Variants in F13A1 observed in about 807,000 individuals in gnomAD.
F13A1 encodes the protein FSF, A subunit.
In F13A1, 47 loss-of-function variants were observed where a neutral mutation model predicts 80.1. The observed-to-expected ratio is 0.59, with a 90% CI of 0.46 to 0.75. F13A1 has a LOEUF of 0.75. Ranked by LOEUF, F13A1 falls within the 30% of genes least tolerant of loss-of-function variation. The pLI, the probability that F13A1 is intolerant of heterozygous loss-of-function variation, is 0.00. For synonymous variants in F13A1, 349 were observed against 344.9 expected (o/e 1.01, Z -0.13); for missense variants, 817 against 930.4 (o/e 0.88, Z 1.59).
chr6:6,249,916 GAA>G (rs763006707), intron 5 of F13A1, among the ~76,000 whole-genome samples: 1 of 152,124 alleles, frequency 6.6e-6, no homozygotes, highest in Non-Finnish European at 1.5e-5. Context: ...CGGAGTCAGG[GAA>G]GCTGTTCACA....
chr6:6,209,559 T>A (rs7756520), intron 8 of F13A1, among the ~76,000 whole-genome samples: 98,108 of 152,070 alleles, frequency 0.65, 32,714 homozygotes, highest in African/African-American at 0.82. Flanking sequence ...GAATGTTCAT[T>A]ACAACATTAT....
intron 13 of F13A1, among the ~76,000 whole-genome samples, chr6:6,164,538 C>G (rs781416457): frequency 3.2e-4 from 49 of 151,928 alleles, no homozygotes; most frequent in Non-Finnish European, 7.4e-5. Context: ...GAAAAAATAA[C>G]TCTTAATTGA....
intron 12 of F13A1, among the ~76,000 whole-genome samples, chr6:6,168,487 C>G (rs1048438277): frequency 2.0e-5 from 3 of 152,158 alleles, no homozygotes; most frequent in African/African-American, 7.2e-5. Flanking sequence ...AGGTGTGCAC[C>G]CACTGCTACC....
At chr6:6,196,180 A>G (rs1173016010) in intron 9 of F13A1, among the ~76,000 whole-genome samples, 1 of 152,194 alleles carries the variant, frequency 6.6e-6, no homozygotes, top group Non-Finnish European at 1.5e-5. Flanking sequence ...CACAGCATTT[A>G]TCTCTTGTTC....
rs67577432 is a variant in F13A1 at position 6,148,992 on chromosome 6, T to TAAAA, written c.2045+2817_2045+2820dup. The stretch of plus-strand genomic sequence containing the variant: ...CATGATTTCACTCACATGTAGACAC[T>TAAAA]AAAAAAAAAAAAATTATTATACCAT... On this transcript the variant is annotated intron_variant, in intron 14 of 14. Coordinates refer to ENST00000264870, the MANE Select transcript of F13A1 (RefSeq NM_000129.4). Among the ~76,000 whole-genome samples the TAAAA allele has an allele frequency of 5.8e-4, 86 of 147,102 alleles. 1 individual carries two copies. Among genetic ancestry groups the TAAAA allele is most frequent in the African/African-American group, 1.3e-3 (53 of 40,308 alleles).
chr6:6,312,355 C>G (rs1393514536), intron 2 of F13A1, among the ~76,000 whole-genome samples: 1 of 151,762 alleles, frequency 6.6e-6, no homozygotes, highest in Non-Finnish European at 1.5e-5. Context: ...ATAAGTAAAA[C>G]TTTCCTGTAT....
intron 8 of F13A1, among the ~76,000 whole-genome samples, chr6:6,198,569 G>T (rs1248315052): frequency 6.6e-6 from 1 of 152,190 alleles, no homozygotes; most frequent in Non-Finnish European, 1.5e-5. Flanking sequence ...TGGTTCAAGA[G>T]ATATTAATTT....
intron 13 of F13A1, among the ~76,000 whole-genome samples, chr6:6,160,804 G>T (rs907990921): frequency 6.6e-6 from 1 of 150,920 alleles, no homozygotes; most frequent in South Asian, 2.1e-4. Flanking sequence ...CAGAGCAAAC[G>T]CTTACTTTTA....
chr6:6,221,876 A>G (rs765788712), intron 8 of F13A1, among the ~76,000 whole-genome samples, 157 bp downstream of exon 8: 2 of 152,206 alleles, frequency 1.3e-5, no homozygotes, highest in Non-Finnish European at 2.9e-5. Flanking sequence ...ATTTCTAATC[A>G]TTTGCTAGAA....
At position 6,250,883 on chromosome 6, in the gene F13A1, G is replaced by A. The variant is rs1325123079; in HGVS notation, c.618C>T (p.Val206=). 6.2e-7 allele frequency: 1 copy of A among 1,613,518 alleles called. No homozygotes were observed. Among genetic ancestry groups the A allele is most frequent in the Non-Finnish European group, 8.5e-7 (1 of 1,179,710 alleles). The part of the protein sequence containing the change: ...LDNEKEREEY[V]LNDIGVIFYG... Reference sequence around the variant, plus strand: ...AAAAAATTACCCCGATGTCATTCAGGACATACTCTTCTCTTTCTTTCTCAT... The same window carrying A: ...AAAAAATTACCCCGATGTCATTCAGAACATACTCTTCTCTTTCTTTCTCAT... Residue 206 remains valine (V), a synonymous_variant, in exon 5 of 15, where the codon GTC becomes GTT. Coordinates refer to ENST00000264870, the MANE Select transcript of F13A1 (RefSeq NM_000129.4). This position sits in a 1 kb window ranked among gnomAD's most constrained non-coding sequence, Gnocchi z 4.2.
intron 10 of F13A1, among the ~76,000 whole-genome samples, chr6:6,194,386 A>G (rs1450506179): frequency 6.6e-6 from 1 of 152,040 alleles, no homozygotes; most frequent in Non-Finnish European, 1.5e-5. Flanking sequence ...CAGATGCTCA[A>G]CTCATCCCCC....
At chr6:6,220,769 C>T (rs2113056702) in intron 8 of F13A1, among the ~76,000 whole-genome samples, 1 of 152,266 alleles carries the variant, frequency 6.6e-6, no homozygotes, top group South Asian at 2.1e-4. Context: ...GTTCAATTTA[C>T]AGAGACAAGG....
At chr6:6,308,389 C>T (rs1232662716) in intron 2 of F13A1, among the ~76,000 whole-genome samples, 1 of 151,348 alleles carries the variant, frequency 6.6e-6, no homozygotes, top group Non-Finnish European at 1.5e-5. Context: ...GAATATTTTC[C>T]ACTTTGTCAA....
At chr6:6,237,955 G>A (rs569217588) in intron 6 of F13A1, among the ~76,000 whole-genome samples, 30 of 152,140 alleles carry the variant, frequency 2.0e-4, no homozygotes, top group African/African-American at 7.2e-4. Flanking sequence ...CATTAAAGCT[G>A]GAAAGTTGTT....
chr6:6,178,054 G>GC (rs1760915162), intron 11 of F13A1, among the ~76,000 whole-genome samples: 1 of 115,856 alleles, frequency 8.6e-6, no homozygotes, highest in South Asian at 3.4e-4. Flanking sequence ...AGGGGGGGGG[G>GC]GGTGGGGCTT....
intron 6 of F13A1, among the ~76,000 whole-genome samples, chr6:6,228,197 A>C (rs1266200468): frequency 6.6e-6 from 1 of 152,142 alleles, no homozygotes; most frequent in Non-Finnish European, 1.5e-5. Context: ...ATTCAACTTC[A>C]TTAAGGCTAC....
chr6:6,224,736 T>C lies in F13A1; in HGVS notation c.923A>G (p.Asn308Ser), dbSNP rs764798947. ...DILLEYRSSE[N>S]PVRYGQCWVF... ...CCAGCATTGGCCATACCGGACTGGA[T>C]TCTCAGAGCTCCGGTATTCCAATAG... Residue 308 changes from asparagine (N) to serine (S), a missense_variant, in exon 7 of 15, where the codon AAT (asparagine) becomes AGT (serine). Transcript: ENST00000264870. 3 of 1,614,118 alleles carry C rather than the reference T, an allele frequency of 1.9e-6. No individual in the cohort carries two copies. Among genetic ancestry groups the C allele is most frequent in the Non-Finnish European group, 2.5e-6 (3 of 1,179,960 alleles).
Position 6,255,698 on chromosome 6 carries a change from G to T in F13A1, c.572-4769C>A, listed in dbSNP as rs115178163. On this transcript the variant is annotated intron_variant, in intron 4 of 14. Transcript: ENST00000264870. ...GCAAAGCATGATAGAGAGGAGTTCT[G>T]GAGCTCCAGACTAGGCCACCCTTTC... Among the ~76,000 whole-genome samples, 958 of 152,138 alleles carry T rather than the reference G, an allele frequency of 6.3e-3. 15 individuals carry two copies. The highest frequency in any genetic ancestry group is 0.022 in the African/African-American group (908 of 41,472).
At chr6:6,239,179 A>C (rs1757453301) in intron 6 of F13A1, among the ~76,000 whole-genome samples, 1 of 152,176 alleles carries the variant, frequency 6.6e-6, no homozygotes, top group South Asian at 2.1e-4. Flanking sequence ...ATGGTAAGGA[A>C]AGCATTGAAA....
Sources: allele counts gnomAD v4.1 joint callset (sites outside exome capture counted in the v4.1 genomes callset), GRCh38; gene constraint gnomAD v4.1.1; non-coding constraint Gnocchi (gnomAD v3.1); transcripts MANE v1.5; gene names NCBI Gene and HGNC (gene_info 2026-07-23, HGNC 2026-07-21).